Variants in FAM3B observed in about 807,000 individuals in gnomAD.
FAM3B encodes the protein protein FAM3B.
Under a neutral mutation model 28.4 loss-of-function variants are expected in FAM3B, and 29 were observed. The observed-to-expected ratio is 1.02, with a 90% CI of 0.76 to 1.39. FAM3B has a LOEUF of 1.39. FAM3B is among the 40% of genes most tolerant of loss of function. FAM3B has a pLI of 0.00. For synonymous variants in FAM3B, 91 were observed against 103.0 expected (o/e 0.88, Z 0.71); for missense variants, 266 against 293.9 (o/e 0.91, Z 0.69).
intron 2 of FAM3B, among the ~76,000 whole-genome samples, chr21:41,332,197 C>G (rs1462959392): frequency 6.6e-6 from 1 of 152,224 alleles, no homozygotes; most frequent in Non-Finnish European, 1.5e-5. Flanking sequence ...CATGCCTGCT[C>G]CCCTTCACCT....
intron 2 of FAM3B, among the ~76,000 whole-genome samples, chr21:41,330,749 C>T (rs1233496393): frequency 2.6e-5 from 4 of 152,212 alleles, no homozygotes; most frequent in South Asian, 2.1e-4. Context: ...TGTTCATCTA[C>T]GTTGTCACAA....
At chr21:41,322,718 T>A in intron 1 of FAM3B, 1 of 745,854 alleles carries the variant, frequency 1.3e-6, no homozygotes. Flanking sequence ...AGCATTCCTG[T>A]CTTGTTTGTA....
chr21:41,309,513 C>T (rs1260050068), intron 1 of FAM3B, among the ~76,000 whole-genome samples: 1 of 152,244 alleles, frequency 6.6e-6, no homozygotes. Flanking sequence ...AGGATATACA[C>T]ATCCCCAGTC....
intron 4 of FAM3B, 41 bp downstream of exon 4, chr21:41,344,575 C>CTCTGGTCAGA: frequency 1.3e-6 from 2 of 1,567,156 alleles, no homozygotes; most frequent in Non-Finnish European, 1.8e-6. Context: ...TCTAAAAGCT[C>CTCTGGTCAGA]TCTGGTCAGA....
At chr21:41,309,752 T>C (rs1255122040) in intron 1 of FAM3B, among the ~76,000 whole-genome samples, 1 of 152,212 alleles carries the variant, frequency 6.6e-6, no homozygotes, top group Non-Finnish European at 1.5e-5. Flanking sequence ...TTAGACGCAT[T>C]GATCTGAATA....
chr21:41,316,836 C>T lies in FAM3B; in HGVS notation c.-44C>T, dbSNP rs957738257. 1 of 1,433,478 alleles carries T rather than the reference C, an allele frequency of 7.0e-7. No homozygotes were observed. Among genetic ancestry groups the T allele is most frequent in the Non-Finnish European group, 9.1e-7 (1 of 1,096,894 alleles). 88.8% of individuals were successfully genotyped at this position (1,433,478 alleles called of 1,614,324 possible). A position where few individuals can be genotyped will look rare whatever the true frequency, so the allele number is the denominator to read the frequency against. Reference sequence around the variant, plus strand: ...CAGGGGCTCCGCTGGCTGCGGTCGCCTGGGAGCTGCCGCCAGGGCCAGGAG... The same window carrying T: ...CAGGGGCTCCGCTGGCTGCGGTCGCTTGGGAGCTGCCGCCAGGGCCAGGAG... On this transcript the variant is annotated 5_prime_UTR_variant, in exon 1 of 8. Transcript: ENST00000357985.
At chr21:41,322,059 G>A (rs1568912589) in intron 1 of FAM3B, among the ~76,000 whole-genome samples, 1 of 151,924 alleles carries the variant, frequency 6.6e-6, no homozygotes, top group Non-Finnish European at 1.5e-5. Flanking sequence ...TCCTACTCAG[G>A]GCCTGTGGTT....
At chr21:41,349,970 C>G (rs939130210) in intron 7 of FAM3B, among the ~76,000 whole-genome samples, 2 of 152,214 alleles carry the variant, frequency 1.3e-5, no homozygotes, top group African/African-American at 2.4e-5. Context: ...CACTTGCATG[C>G]ACAGTGAGCC....
intron 2 of FAM3B, 110 bp from the exon 3 acceptor site, chr21:41,338,268 C>T (rs1387206154): frequency 1.9e-5 from 26 of 1,336,512 alleles, no homozygotes; most frequent in Non-Finnish European, 2.5e-5. Flanking sequence ...GTTTTCCGAC[C>T]GCTGCTTGGA....
At chr21:41,304,409 C>T in intron 1 of FAM3B, 1 of 410,666 alleles carries the variant, frequency 2.4e-6, no homozygotes. Flanking sequence ...GGAGTCGCCC[C>T]CGAAGGGCCC....
At chr21:41,352,528 C>T (rs542308745) in intron 7 of FAM3B, among the ~76,000 whole-genome samples, 7 of 152,238 alleles carry the variant, frequency 4.6e-5, no homozygotes, top group African/African-American at 9.6e-5. Context: ...GGCGCAGTGG[C>T]TCACCCCTGT....
At chr21:41,324,337 C>T (rs2088836792) in intron 2 of FAM3B, among the ~76,000 whole-genome samples, 1 of 152,244 alleles carries the variant, frequency 6.6e-6, no homozygotes, top group African/African-American at 2.4e-5. Context: ...ACCCCAGGCC[C>T]TCATTCCTGC....
At chr21:41,333,129 T>TG (rs2088921907) in intron 2 of FAM3B, among the ~76,000 whole-genome samples, 1 of 142,430 alleles carries the variant, frequency 7.0e-6, no homozygotes, top group African/African-American at 2.9e-5. Context: ...GTTGTGTTTC[T>TG]GGTTTTTTTT....
intron 1 of FAM3B, chr21:41,319,413 T>C (rs1224103074): frequency 6.6e-6 from 1 of 152,172 alleles, no homozygotes; most frequent in Non-Finnish European, 1.5e-5. Flanking sequence ...GCAAGCACAG[T>C]GGAGGAGATT....
At chr21:41,312,720 A>AGTGTGTGTGT (rs1300906015), upstream of FAM3B, among the ~76,000 whole-genome samples, 5 of 106,310 alleles carry the variant, frequency 4.7e-5, no homozygotes, top group Non-Finnish European at 2.0e-5. Flanking sequence ...TGTGTGTGTG[A>AGTGTGTGTGT]GAGTGTGTGT....
At chr21:41,351,273 A>G (rs2089117770) in intron 7 of FAM3B, among the ~76,000 whole-genome samples, 1 of 152,246 alleles carries the variant, frequency 6.6e-6, no homozygotes, top group African/African-American at 2.4e-5. Context: ...TGGACGTCAA[A>G]GCCAGGGCTG....
intron 6 of FAM3B, 71 bp from the exon 7 acceptor site, chr21:41,348,521 A>G (rs2089084696): frequency 6.3e-7 from 1 of 1,586,632 alleles, no homozygotes; most frequent in Admixed American, 1.7e-5. Context: ...AGCGTAACAC[A>G]TCCAGAGCAG....
chr21:41,331,331 A>G (rs1259052397), intron 2 of FAM3B, among the ~76,000 whole-genome samples: 1 of 152,046 alleles, frequency 6.6e-6, no homozygotes, highest in Admixed American at 6.5e-5. Flanking sequence ...TATGTTTTGG[A>G]TATTAATCAC....
chr21:41,353,880 T>A (rs2055283448), intron 7 of FAM3B, among the ~76,000 whole-genome samples: 1 of 152,018 alleles, frequency 6.6e-6, no homozygotes, highest in African/African-American at 2.4e-5. Flanking sequence ...TGGGAGAAAA[T>A]TTTTGCAAAG....
Sources: gnomAD v4.1 joint callset for allele counts (sites outside exome capture counted in the v4.1 genomes callset) on GRCh38, gnomAD v4.1.1 for gene constraint, MANE v1.5 for transcripts, NCBI Gene and HGNC (gene_info 2026-07-23, HGNC 2026-07-21) for gene names.